The following ARFGEF1 variants were observed in gnomAD, a reference collection of about 807,000 sequenced individuals.
The protein encoded by ARFGEF1 is ARF guanine nucleotide exchange factor 1, also known as brefeldin A-inhibited guanine nucleotide-exchange protein 1.
ARFGEF1 carries 42 observed loss-of-function variants against 231.0 expected under a neutral mutation model. The observed-to-expected ratio is 0.18, with a 90% CI of 0.14 to 0.24. ARFGEF1 has a LOEUF of 0.24. Among genes scored for constraint, ARFGEF1 ranks in the 10% least tolerant of loss-of-function variants. ARFGEF1 has a pLI of 1.00. For missense variants in ARFGEF1, 1,345 were observed against 2,192.0 expected (o/e 0.61, Z 7.72); for synonymous variants, 710 against 732.3 (o/e 0.97, Z 0.49).
At chr8:67,186,504 G>A (rs1368334282) in intron 5 of ARFGEF1, among the ~76,000 whole-genome samples, 1 of 151,604 alleles carries the variant, frequency 6.6e-6, no homozygotes, top group Non-Finnish European at 1.5e-5. Flanking sequence ...CCCATTTATG[G>A]TAACTCAGCA....
rs1405457033 is a variant in ARFGEF1 at position 67,219,418 on chromosome 8, T to C, written c.4338+13A>G. 1.9e-6 allele frequency: 3 copies of C among 1,604,418 alleles called. No homozygotes were observed. Among genetic ancestry groups the C allele is most frequent in the Non-Finnish European group, 1.7e-6 (2 of 1,176,980 alleles). ...ACTTGACTAAGCTAAATGAAAATTGTGTATCCTCTTACCTCTGTCTGTTGT... is the reference window on the plus strand; with the variant it reads ...ACTTGACTAAGCTAAATGAAAATTGCGTATCCTCTTACCTCTGTCTGTTGT... On this transcript the variant is annotated intron_variant, in intron 30 of 38. Coordinates refer to ENST00000262215, the MANE Select transcript of ARFGEF1 (RefSeq NM_006421.5).
At chr8:67,284,580 T>C (rs1805671886) in intron 7 of ARFGEF1, among the ~76,000 whole-genome samples, 1 of 152,226 alleles carries the variant, frequency 6.6e-6, no homozygotes, top group Non-Finnish European at 1.5e-5. Flanking sequence ...TTGAACTTTA[T>C]AAGTTTGCTG....
intron 18 of ARFGEF1, 56 bp from the exon 19 acceptor site, chr8:67,251,506 T>C: frequency 1.4e-6 from 2 of 1,450,690 alleles, no homozygotes; most frequent in East Asian, 2.5e-5. Flanking sequence ...GAATTCTATT[T>C]TGATATTTTA....
intron 1 of ARFGEF1, among the ~76,000 whole-genome samples, chr8:67,326,162 C>A (rs1360396503): frequency 6.6e-6 from 1 of 152,128 alleles, no homozygotes; most frequent in East Asian, 1.9e-4. Flanking sequence ...TGTGCCACTG[C>A]ACTCTAGCCT....
In ARFGEF1 at chr8:67,343,317, C is replaced by G. The variant is rs766802347; in HGVS notation, c.-30G>C. 4.6e-5 allele frequency: 73 copies of G among 1,604,306 alleles called. No individual in the cohort carries two copies. In the Middle Eastern group the frequency reaches 8.3e-4, roughly 18 times the overall value. The stretch of plus-strand genomic sequence containing the variant: ...GCAGAGAAGGAGGCGGCGGCTCGTC[C>G]GACCCGCGGCTCCCAGCGGCTGGAG... On this transcript the variant is annotated 5_prime_UTR_variant, in exon 1 of 39. Transcript: ENST00000262215.
At chr8:67,227,358 T>C (rs369637437) in intron 26 of ARFGEF1, 49 bp from the exon 27 acceptor site, 2 of 1,599,752 alleles carry the variant, frequency 1.3e-6, no homozygotes, top group Non-Finnish European at 1.7e-6. Context: ...ATAAAACTCA[T>C]CAGTTTTTCC....
At chr8:67,203,311 C>A in intron 35 of ARFGEF1, 60 bp from the exon 36 acceptor site, 1 of 1,556,072 alleles carries the variant, frequency 6.4e-7, no homozygotes, top group Non-Finnish European at 8.8e-7. Context: ...ACTTGATTTA[C>A]AACTCAATGC....
chr8:67,197,848 G>C lies in ARFGEF1; in HGVS notation c.*1086C>G, dbSNP rs1022995109. ...CATCCACTGTTAATACGGAATGCTT[G>C]ACAATCTTGTCTTTTAACCATCAGA... On this transcript the variant is annotated 3_prime_UTR_variant, in exon 39 of 39. Transcript: ENST00000262215. 1 of 985,696 alleles carries C rather than the reference G, an allele frequency of 1.0e-6. No homozygotes were observed. The highest frequency in any genetic ancestry group is 1.2e-6 in the Non-Finnish European group (1 of 829,944). 61.1% of individuals were successfully genotyped at this position (985,696 alleles called of 1,614,324 possible).
chr8:67,217,953 T>C, intron 31 of ARFGEF1, 33 bp from the exon 32 acceptor site: 10 of 1,612,712 alleles, frequency 6.2e-6, no homozygotes, highest in Non-Finnish European at 8.5e-6. Context: ...ATTTATATAT[T>C]ACCAGGGTCA....
chr8:67,309,503 CT>C (rs1806895698), intron 1 of ARFGEF1, among the ~76,000 whole-genome samples: 1 of 152,094 alleles, frequency 6.6e-6, no homozygotes. Context: ...ATTTTCTTTC[CT>C]TTTCCTTCGC....
intron 37 of ARFGEF1, 22 bp downstream of exon 37, chr8:67,201,445 G>T: frequency 6.3e-7 from 1 of 1,596,588 alleles, no homozygotes; most frequent in Non-Finnish European, 8.5e-7. Flanking sequence ...GGTCAGAGAT[G>T]GAAATCAGTC....
intron 29 of ARFGEF1, among the ~76,000 whole-genome samples, chr8:67,222,223 A>ATATG (rs1839211255): frequency 2.1e-5 from 2 of 96,388 alleles, no homozygotes; most frequent in Non-Finnish European, 3.9e-5. Context: ...ATATATATAT[A>ATATG]TGTATATGTA....
intron 1 of ARFGEF1, among the ~76,000 whole-genome samples, chr8:67,312,013 C>G (rs548744744): frequency 1.4e-3 from 219 of 152,154 alleles, no homozygotes; most frequent in African/African-American, 5.0e-3. Flanking sequence ...GCAAGATGTG[C>G]TTTGTTAAAC....
At chr8:67,286,892 T>C (rs1805783852) in intron 7 of ARFGEF1, among the ~76,000 whole-genome samples, 1 of 152,184 alleles carries the variant, frequency 6.6e-6, no homozygotes, top group Admixed American at 6.5e-5. Context: ...TCCACACAGA[T>C]GGCCAACTTG....
chr8:67,255,656 C>A (rs900793723), intron 17 of ARFGEF1, among the ~76,000 whole-genome samples: 23 of 152,188 alleles, frequency 1.5e-4, no homozygotes, highest in Non-Finnish European at 2.9e-5. Flanking sequence ...ATCACGGGTA[C>A]AATTTTCTAA....
Position 67,258,087 on chromosome 8 carries a change from T to C in ARFGEF1, c.2439A>G (p.Gln813=), listed in dbSNP as rs948880126. 1 of 1,610,552 alleles carries C rather than the reference T, an allele frequency of 6.2e-7. No individual in the cohort carries two copies. The highest frequency in any genetic ancestry group is 8.5e-7 in the Non-Finnish European group (1 of 1,176,794). The change falls in exon 16 of 39, where the codon CAA becomes CAG. Residue 813 remains glutamine (Q), a splice_region_variant and synonymous_variant. Coordinates refer to ENST00000262215, the MANE Select transcript of ARFGEF1 (RefSeq NM_006421.5). ...ATGAGCATTTGAACCTTATTTACCC[T>C]TGGTTGCATTCTAGGTATCTTGCAG... is the stretch of plus-strand genomic sequence containing the variant. ...KFAARYLECN[Q]GQTLFASADT... is the part of the protein sequence containing the mutation.
chr8:67,280,712 G>A (rs1370768373), intron 7 of ARFGEF1, among the ~76,000 whole-genome samples: 1 of 152,196 alleles, frequency 6.6e-6, no homozygotes, highest in South Asian at 2.1e-4. Flanking sequence ...GCTCAAGGGA[G>A]GTACCTGCTT....
intron 7 of ARFGEF1, among the ~76,000 whole-genome samples, chr8:67,280,163 T>C (rs775190208): frequency 6.6e-6 from 1 of 152,194 alleles, no homozygotes; most frequent in African/African-American, 2.4e-5. Flanking sequence ...ACCTGAGAGA[T>C]ATGATTGTTT....
intron 14 of ARFGEF1, among the ~76,000 whole-genome samples, chr8:67,264,801 A>G (rs1365937499): frequency 6.6e-6 from 1 of 152,144 alleles, no homozygotes; most frequent in African/African-American, 2.4e-5. Context: ...TCATTTCTCA[A>G]GTACTTCAAA....
Sources: allele counts gnomAD v4.1 joint callset (sites outside exome capture counted in the v4.1 genomes callset), GRCh38; gene constraint gnomAD v4.1.1; transcripts MANE v1.5; gene names NCBI Gene and HGNC (gene_info 2026-07-23, HGNC 2026-07-21).